Variants in THUMPD1 observed in about 807,000 individuals in gnomAD.
THUMPD1 encodes the protein THUMP domain-containing protein 1.
A neutral mutation model predicts 31.6 loss-of-function variants in THUMPD1; 31 were observed. The observed-to-expected ratio is 0.98, with a 90% CI of 0.74 to 1.32. THUMPD1 has a LOEUF of 1.32. THUMPD1 is among the 40% of genes most tolerant of loss of function. THUMPD1 has a pLI of 0.00. For synonymous variants in THUMPD1, 166 were observed against 158.2 expected (o/e 1.05, Z -0.37); for missense variants, 446 against 427.8 (o/e 1.04, Z -0.38).
intron 2 of THUMPD1, chr16:20,738,234 T>G (rs570521110): frequency 4.0e-6 from 2 of 501,982 alleles, no homozygotes; most frequent in African/African-American, 1.9e-5. Flanking sequence ...TGTGATGTCC[T>G]GAGTTATCCA....
intron 3 of THUMPD1, 100 bp downstream of exon 3, chr16:20,737,608 A>T: frequency 8.2e-7 from 1 of 1,212,678 alleles, no homozygotes; most frequent in Non-Finnish European, 1.1e-6. Flanking sequence ...TTTGTTCTAC[A>T]CTCAAAAATG....
intron 1 of THUMPD1, 28 bp downstream of exon 1, chr16:20,741,481 G>GGGGGGGGGGGGGCCCCCCCCCC: frequency 3.1e-6 from 4 of 1,308,406 alleles, no homozygotes; most frequent in Non-Finnish European, 4.0e-6. Flanking sequence ...CTGGCAGCCG[G>GGGGGGGGGGGGGCCCCCCCCCC]CCCGCCCGCC....
At position 20,741,620 on chromosome 16, in the gene THUMPD1, C is replaced by T. The variant is rs1020390638; in HGVS notation, c.120G>A (p.Glu40=). 12 of 1,573,878 alleles carry T rather than the reference C, an allele frequency of 7.6e-6. No individual in the cohort carries two copies. The highest frequency in any genetic ancestry group is 1.3e-5 in the African/African-American group (1 of 74,090). The change falls in exon 1 of 4, where the codon GAG becomes GAA. Residue 40 remains glutamate (E), a synonymous_variant. Coordinates refer to ENST00000396083, the MANE Select transcript of THUMPD1 (RefSeq NM_017736.5). ...TGATGAGGATGCCCTGTAGCCCGGG[C>T]TCTAGCTGACGGGGCCCGCCAGCGT... ...RCDAGGPRQL[E]PGLQGILITC... is the part of the protein sequence containing the mutation.
intron 1 of THUMPD1, 31 bp downstream of exon 1, chr16:20,741,478 C>CCGGGGGGGGCG: frequency 7.5e-7 from 1 of 1,336,934 alleles, no homozygotes; most frequent in African/African-American, 1.5e-5. Context: ...GGCCTGGCAG[C>CCGGGGGGGGCG]CGGCCCGCCC....
chr16:20,737,584 A>G (rs987413511), intron 3 of THUMPD1, 124 bp downstream of exon 3: 27 of 998,558 alleles, frequency 2.7e-5, no homozygotes, highest in Non-Finnish European at 3.5e-5. Context: ...CTATTTTAAG[A>G]ACATTTTAAT....
chr16:20,739,825 A>C (rs1016575025), intron 1 of THUMPD1, among the ~76,000 whole-genome samples: 1 of 119,674 alleles, frequency 8.4e-6, no homozygotes, highest in Non-Finnish European at 2.1e-5. Flanking sequence ...TGTCTCAAAA[A>C]AATTAAAAAA....
In THUMPD1 at chr16:20,736,673, G is replaced by T; in HGVS notation, c.*207C>A. ...TCCCCTCTTTGCAACAGCAGCACAT[G>T]GGTCTGCCTCTACGTAATACCATAA... is the stretch of plus-strand genomic sequence containing the variant. On this transcript the variant is annotated 3_prime_UTR_variant, in exon 4 of 4. Coordinates refer to ENST00000396083, the MANE Select transcript of THUMPD1 (RefSeq NM_017736.5). 1 of 553,866 alleles carries T rather than the reference G, an allele frequency of 1.8e-6. No individual in the cohort carries two copies. The highest frequency in any genetic ancestry group is 3.2e-6 in the Non-Finnish European group (1 of 317,452). The allele number at this position is 553,866 out of a possible 1,614,324, so 34.3% of individuals were successfully genotyped here.
chr16:20,738,044 A>G, intron 2 of THUMPD1, 88 bp from the exon 3 acceptor site: 1 of 1,215,430 alleles, frequency 8.2e-7, no homozygotes, highest in Admixed American at 2.2e-5. Context: ...CAATGACATA[A>G]GTTGACAGAA....
At position 20,736,772 on chromosome 16, in the gene THUMPD1, T is replaced by C. The variant is rs559074085; in HGVS notation, c.*108A>G. 9.1e-7 allele frequency: 1 copy of C among 1,093,518 alleles called. No homozygotes were observed. The highest frequency in any genetic ancestry group is 2.5e-5 in the Admixed American group (1 of 40,338). The allele number at this position is 1,093,518 out of a possible 1,614,324, so 67.7% of individuals were successfully genotyped here. A position where few individuals can be genotyped will look rare whatever the true frequency, so the allele number is the denominator to read the frequency against. ...GCTCACTACTGTGAGAACAGCATAA[T>C]GCAGCACACAAATAAAAAACTGTTT... On this transcript the variant is annotated 3_prime_UTR_variant, in exon 4 of 4. Transcript: ENST00000396083.
rs1194228600 is a variant in THUMPD1 at position 20,741,626 on chromosome 16, C to T, written c.114G>A (p.Gln38=). The T allele has an allele frequency of 8.3e-6, 13 of 1,574,056 alleles. No homozygotes were observed. The highest frequency in any genetic ancestry group is 1.3e-5 in the African/African-American group (1 of 74,244). Residue 38 remains glutamine (Q), a synonymous_variant, in exon 1 of 4, where the codon CAG becomes CAA. Coordinates refer to ENST00000396083, the MANE Select transcript of THUMPD1 (RefSeq NM_017736.5). ...ARRCDAGGPR[Q]LEPGLQGILI... is the part of the protein sequence containing the mutation. ...GGATGCCCTGTAGCCCGGGCTCTAG[C>T]TGACGGGGCCCGCCAGCGTCGCAGC...
rs551806303 is a variant in THUMPD1, at chr16:20,733,896, C to T, written c.*2984G>A. 7.2e-5 allele frequency: 11 copies of T among 151,818 alleles called. No individual in the cohort carries two copies. The highest frequency in any genetic ancestry group is 2.2e-4 in the African/African-American group (9 of 41,424). 9.4% of individuals were successfully genotyped at this position (151,818 alleles called of 1,614,324 possible). A position where few individuals can be genotyped will look rare whatever the true frequency, so the allele number is the denominator to read the frequency against. On this transcript the variant is annotated 3_prime_UTR_variant, in exon 4 of 4. Coordinates refer to ENST00000396083, the MANE Select transcript of THUMPD1 (RefSeq NM_017736.5). The stretch of plus-strand genomic sequence containing the variant: ...GCAGTTTTTTTATTTTTTTAACTGA[C>T]GTAATTTTTTAAAAGAAAAAACAAA...
chr16:20,741,529 C>T lies in THUMPD1; in HGVS notation c.211G>A (p.Asp71Asn), dbSNP rs1051490067. 17 of 1,307,658 alleles carry T rather than the reference C, an allele frequency of 1.3e-5. No homozygotes were observed. Among genetic ancestry groups the T allele is most frequent in the Non-Finnish European group, 1.5e-5 (15 of 991,972 alleles). 81.0% of individuals were successfully genotyped at this position (1,307,658 alleles called of 1,614,324 possible). The change falls in exon 1 of 4, where the codon GAC becomes AAC. Residue 71 changes from aspartate to asparagine, a missense_variant. Coordinates refer to ENST00000396083, the MANE Select transcript of THUMPD1 (RefSeq NM_017736.5). ...GGTACCTTTTCTGGCCCATACATGT[C>T]GTCGCCGTATTCGTTGAGGAGGCTG... ...AYSLLNEYGD[D>N]MYGPEKFTDK...
rs576057958 is a variant in THUMPD1, at chr16:20,734,508, A to G, written c.*2372T>C. On this transcript the variant is annotated 3_prime_UTR_variant, in exon 4 of 4. Coordinates refer to ENST00000396083, the MANE Select transcript of THUMPD1 (RefSeq NM_017736.5). ...AACAGAACCACCAGCTAGGAGGATA[A>G]AAATACATTCCCATGTTCACTAGCC... The G allele has an allele frequency of 6.6e-6, 1 of 152,374 alleles. No individual in the cohort carries two copies. The highest frequency in any genetic ancestry group is 2.1e-4 in the South Asian group (1 of 4,832). The allele number at this position is 152,374 out of a possible 1,614,324, so 9.4% of individuals were successfully genotyped here.
rs545428946 is a variant in THUMPD1, at chr16:20,741,788, G to C, written c.-49C>G. ...GAGAAACGTTTCTCCGCTGCTGTTG[G>C]CGTCCTCGTCTATCGCCGGCGCGAA... On this transcript the variant is annotated 5_prime_UTR_variant, in exon 1 of 4. Coordinates refer to ENST00000396083, the MANE Select transcript of THUMPD1 (RefSeq NM_017736.5). 1 of 1,548,368 alleles carries C rather than the reference G, an allele frequency of 6.5e-7. No individual in the cohort carries two copies. The highest frequency in any genetic ancestry group is 1.2e-5 in the South Asian group (1 of 84,078).
intron 1 of THUMPD1, 69 bp downstream of exon 1, chr16:20,741,440 A>C: frequency 1.4e-6 from 2 of 1,455,378 alleles, no homozygotes; most frequent in Non-Finnish European, 1.8e-6. Context: ...ACCAGCAGCC[A>C]TCCCTCCACC....
intron 3 of THUMPD1, 84 bp from the exon 4 acceptor site, chr16:20,737,370 T>C (rs1415966347): frequency 7.2e-6 from 10 of 1,397,706 alleles, no homozygotes; most frequent in Middle Eastern, 3.7e-4. Flanking sequence ...CTCTGTTTCT[T>C]GTTAAAACAA....
In THUMPD1 at chr16:20,736,673, G is replaced by A. The variant is rs1433949748; in HGVS notation, c.*207C>T. On this transcript the variant is annotated 3_prime_UTR_variant, in exon 4 of 4. Transcript: ENST00000396083. Reference sequence around the variant, plus strand: ...TCCCCTCTTTGCAACAGCAGCACATGGGTCTGCCTCTACGTAATACCATAA... The same window carrying A: ...TCCCCTCTTTGCAACAGCAGCACATAGGTCTGCCTCTACGTAATACCATAA... The A allele has an allele frequency of 2.2e-5, 12 of 553,748 alleles. No homozygotes were observed. Among genetic ancestry groups the A allele is most frequent in the Non-Finnish European group, 3.8e-5 (12 of 317,460 alleles). The allele number at this position is 553,748 out of a possible 1,614,324, so 34.3% of individuals were successfully genotyped here.
intron 1 of THUMPD1, 28 bp downstream of exon 1, chr16:20,741,481 G>GGGGGGGGGGGGCCCCCCCCCC: frequency 2.3e-6 from 3 of 1,308,410 alleles, no homozygotes; most frequent in Non-Finnish European, 2.0e-6. Flanking sequence ...CTGGCAGCCG[G>GGGGGGGGGGGGCCCCCCCCCC]CCCGCCCGCC....
rs2079847899 is a variant in THUMPD1, at chr16:20,734,024, T to G, written c.*2856A>C. ...CAGTTGATAAACCTGAAAACAAGTCTTTTAATGAGTTCAGGTTACAACCGA... is the reference window on the plus strand; with the variant it reads ...CAGTTGATAAACCTGAAAACAAGTCGTTTAATGAGTTCAGGTTACAACCGA... On this transcript the variant is annotated 3_prime_UTR_variant, in exon 4 of 4. Coordinates refer to ENST00000396083, the MANE Select transcript of THUMPD1 (RefSeq NM_017736.5). 6.6e-6 allele frequency: 1 copy of G among 152,318 alleles called. No individual in the cohort carries two copies. The highest frequency in any genetic ancestry group is 6.5e-5 in the Admixed American group (1 of 15,306). The allele number at this position is 152,318 out of a possible 1,614,324, so 9.4% of individuals were successfully genotyped here. A position where few individuals can be genotyped will look rare whatever the true frequency, so the allele number is the denominator to read the frequency against.
Sources: gnomAD v4.1 joint callset for allele counts (sites outside exome capture counted in the v4.1 genomes callset) on GRCh38, gnomAD v4.1.1 for gene constraint, MANE v1.5 for transcripts, NCBI Gene and HGNC (gene_info 2026-07-23, HGNC 2026-07-21) for gene names.